Variants in BIN1 observed in about 807,000 individuals in gnomAD.
BIN1 encodes bridging integrator 1, also known as myc box-dependent-interacting protein 1.
In BIN1, 53 loss-of-function variants were observed where a neutral mutation model predicts 82.0. That is an observed-to-expected ratio of 0.65 (90% CI 0.52 to 0.81). BIN1 has a LOEUF of 0.81. BIN1 is among the 40% of genes least tolerant of loss of function. BIN1 has a pLI of 0.00. For synonymous variants in BIN1, 302 were observed against 328.0 expected, an observed-to-expected ratio of 0.92 and a Z score of 0.86; for missense variants, 642 against 784.4, an observed-to-expected ratio of 0.82 and a Z score of 2.17.
intron 1 of BIN1, among the ~76,000 whole-genome samples, chr2:127,096,722 C>T (rs958459622): frequency 6.6e-6 from 1 of 152,196 alleles, no homozygotes; most frequent in African/African-American, 2.4e-5. Context: ...AAAAGGGGAG[C>T]TGCCATGGGC....
rs1327707075 is a variant in BIN1 at position 127,106,345 on chromosome 2, T to A, written c.84+515A>T. Among the ~76,000 whole-genome samples the A allele has an allele frequency of 5.3e-5, 8 of 151,408 alleles. No individual in the cohort carries two copies. The East Asian group carries it at 1.6e-3, about 30-fold the overall frequency. On this transcript the variant is annotated intron_variant, in intron 1 of 18. Transcript: ENST00000316724. ...ACGGAGAACGAAAGTGGAGAAGCAGTGGGAAGGAAGGAACTGTGGGTGCCG... is the reference window on the plus strand; with the variant it reads ...ACGGAGAACGAAAGTGGAGAAGCAGAGGGAAGGAAGGAACTGTGGGTGCCG...
chr2:127,063,884 G>A (rs201407108), intron 8 of BIN1, 49 bp downstream of exon 8: 97 of 1,609,054 alleles, frequency 6.0e-5, no homozygotes, highest in Admixed American at 1.3e-4. Flanking sequence ...ACCGCAGCAC[G>A]CAGACTGGAC....
rs974709775 is a variant in BIN1 at position 127,093,264 on chromosome 2, G to A, written c.84+13596C>T. On this transcript the variant is annotated intron_variant, in intron 1 of 18. Transcript: ENST00000316724. The surrounding 1 kb of genome is among the most constrained non-coding windows in gnomAD (Gnocchi z 5.7). ...CAAAGGGCATGTGAAAGGCCTCAGA[G>A]GTAAGCTCTCTGTGACCTTCTCCTG... Among the ~76,000 whole-genome samples, 3 of 152,238 alleles carry A rather than the reference G, an allele frequency of 2.0e-5. No individual in the cohort carries two copies. Among genetic ancestry groups the A allele is most frequent in the Admixed American group, 1.3e-4 (2 of 15,288 alleles).
At chr2:127,106,356 G>A (rs1352288237) in intron 1 of BIN1, among the ~76,000 whole-genome samples, 1 of 152,234 alleles carries the variant, frequency 6.6e-6, no homozygotes, top group Non-Finnish European at 1.5e-5. Context: ...GGGAAGGAAG[G>A]AACTGTGGGT....
chr2:127,072,224 C>A lies in BIN1; in HGVS notation c.166-1408G>T, dbSNP rs142455801. ...GTGAAGGCCAGCAGGGACCCGGCCA[C>A]ATCCACAGGCTCACCCCCAGCACCC... is the stretch of plus-strand genomic sequence containing the variant. On this transcript the variant is annotated intron_variant, in intron 2 of 18. Coordinates refer to ENST00000316724, the MANE Select transcript of BIN1 (RefSeq NM_139343.3). 2.0e-5 allele frequency among the ~76,000 whole-genome samples: 3 copies of A among 152,364 alleles called. No homozygotes were observed. In the East Asian group the frequency reaches 5.8e-4, roughly 29 times the overall value.
chr2:127,097,401 C>G (rs543048441), intron 1 of BIN1, among the ~76,000 whole-genome samples: 2 of 151,202 alleles, frequency 1.3e-5, no homozygotes, highest in African/African-American at 4.9e-5. Flanking sequence ...CCAGGCCCAG[C>G]AGCGTCACCC....
chr2:127,056,708 G>C (rs1290343485), intron 12 of BIN1, among the ~76,000 whole-genome samples: 1 of 152,240 alleles, frequency 6.6e-6, no homozygotes, highest in Non-Finnish European at 1.5e-5. Flanking sequence ...CTCTCGGGGA[G>C]TGCGGGGAAG....
intron 1 of BIN1, among the ~76,000 whole-genome samples, chr2:127,092,155 C>A (rs1679020243): frequency 6.6e-6 from 1 of 152,150 alleles, no homozygotes. Context: ...CAGGCCCTGG[C>A]AGGTGGAATG....
At chr2:127,085,037 C>T (rs549630949) in intron 1 of BIN1, among the ~76,000 whole-genome samples, 2 of 152,168 alleles carry the variant, frequency 1.3e-5, no homozygotes, top group African/African-American at 2.4e-5. Flanking sequence ...CTCCATCCCC[C>T]GCCCCGCCCC....
At chr2:127,073,281 C>T (rs577199374) in intron 2 of BIN1, among the ~76,000 whole-genome samples, 84 of 152,330 alleles carry the variant, frequency 5.5e-4, no homozygotes, top group Admixed American at 1.7e-3. Flanking sequence ...CGCAGGGCAG[C>T]GTCCAGGCCA....
chr2:127,085,936 G>T (rs905194915), intron 1 of BIN1, among the ~76,000 whole-genome samples: 1 of 152,178 alleles, frequency 6.6e-6, no homozygotes, highest in Non-Finnish European at 1.5e-5. Flanking sequence ...CTTCAGAGGG[G>T]ACTCCCTCCC....
intron 5 of BIN1, 57 bp from the exon 6 acceptor site, chr2:127,069,088 G>T: frequency 6.5e-7 from 1 of 1,531,686 alleles, no homozygotes; most frequent in Non-Finnish European, 9.0e-7. Context: ...TGAGACTCCA[G>T]GTCCAGTGGA....
At chr2:127,103,808 A>G (rs1680663783) in intron 1 of BIN1, among the ~76,000 whole-genome samples, 1 of 152,330 alleles carries the variant, frequency 6.6e-6, no homozygotes, top group African/African-American at 2.4e-5. Flanking sequence ...CTGAGGCCCA[A>G]AAATGGACAC....
intron 1 of BIN1, among the ~76,000 whole-genome samples, chr2:127,094,501 G>T (rs931079619): frequency 2.6e-5 from 4 of 151,888 alleles, no homozygotes; most frequent in Admixed American, 6.6e-5. Flanking sequence ...AACCTGGGGG[G>T]GTCCCGCTGC....
At chr2:127,103,000 C>T (rs1421489183) in intron 1 of BIN1, among the ~76,000 whole-genome samples, 1 of 152,112 alleles carries the variant, frequency 6.6e-6, no homozygotes, top group Non-Finnish European at 1.5e-5. Flanking sequence ...CCAAGATGGA[C>T]AGAGATGGGA....
intron 1 of BIN1, among the ~76,000 whole-genome samples, chr2:127,105,119 C>T (rs1460220612): frequency 6.6e-6 from 1 of 152,168 alleles, no homozygotes; most frequent in Non-Finnish European, 1.5e-5. Context: ...TTGGAGGGGA[C>T]ACAGCCCTTG....
chr2:127,070,503 G>C (rs1370007420), intron 4 of BIN1, 50 bp downstream of exon 4: 1 of 1,596,766 alleles, frequency 6.3e-7, no homozygotes, highest in South Asian at 1.1e-5. Flanking sequence ...GACAGGAGCT[G>C]AGACCAGAGG....
At chr2:127,054,307 G>A (rs560380565) in intron 12 of BIN1, 31 of 444,612 alleles carry the variant, frequency 7.0e-5, no homozygotes, top group South Asian at 3.0e-4. Context: ...AGGTCCGCCC[G>A]TGGCCGCCAC....
At chr2:127,078,044 C>A (rs1686836982) in intron 1 of BIN1, among the ~76,000 whole-genome samples, 1 of 152,232 alleles carries the variant, frequency 6.6e-6, no homozygotes, top group Admixed American at 6.5e-5. Context: ...CCGGAGCCAG[C>A]CCATGCTGCC....
Sources: gnomAD v4.1 joint callset for allele counts (sites outside exome capture counted in the v4.1 genomes callset) on GRCh38, gnomAD v4.1.1 for gene constraint, Gnocchi (gnomAD v3.1) non-coding constraint, MANE v1.5 for transcripts, NCBI Gene and HGNC (gene_info 2026-07-23, HGNC 2026-07-21) for gene names.